Variants in WDR27 observed in about 807,000 individuals in gnomAD.
The protein encoded by WDR27 is WD repeat domain 27, also known as WD repeat-containing protein 27.
Under a neutral mutation model 114.4 loss-of-function variants are expected in WDR27, and 100 were observed. The ratio of observed to expected loss-of-function variants is 0.87; its 90% CI spans 0.74 to 1.03. The LOEUF (loss-of-function observed/expected upper bound fraction) is 1.03. Among genes scored for constraint, WDR27 ranks in the 50% least tolerant of loss-of-function variants. The probability of loss-of-function intolerance (pLI) is 0.00; values close to 1 mark genes in which losing one functional copy is unlikely to be tolerated. For synonymous variants in WDR27, 449 were observed against 423.1 expected (o/e 1.06, Z -0.75); for missense variants, 1,129 against 1,092.9 (o/e 1.03, Z -0.47).
chr6:169,434,041 T>C, the WDR27 span, among the ~76,000 whole-genome samples: 1 of 152,250 alleles, frequency 6.6e-6, no homozygotes, highest in Non-Finnish European at 1.5e-5. Context: ...GTAGGTTGCC[T>C]ATTTACTATG....
chr6:169,507,913 C>T (rs1792225070), intron 25 of WDR27, among the ~76,000 whole-genome samples: 1 of 152,106 alleles, frequency 6.6e-6, no homozygotes, highest in African/African-American at 2.4e-5. Flanking sequence ...CACAGCAATG[C>T]CCTTATAAAC....
intron 13 of WDR27, among the ~76,000 whole-genome samples, chr6:169,653,008 T>C (rs903155048): frequency 6.6e-6 from 1 of 152,234 alleles, no homozygotes; most frequent in African/African-American, 2.4e-5. Context: ...ATCAGGAGAC[T>C]CGTGTCTCCT....
Position 169,701,977 on chromosome 6 carries a change from C to T in WDR27, c.-434G>A, listed in dbSNP as rs938264126. The T allele has an allele frequency of 3.0e-5, 12 of 397,000 alleles. No individual in the cohort carries two copies. The East Asian group carries it at 8.2e-4, about 27-fold the overall frequency. The allele number at this position is 397,000 out of a possible 1,614,324, so 24.6% of individuals were successfully genotyped here. A position where few individuals can be genotyped will look rare whatever the true frequency, so the allele number is the denominator to read the frequency against. On this transcript the variant is annotated 5_prime_UTR_variant, in exon 1 of 26. Transcript: ENST00000448612. ...AGGACTACCGAGCCACACTCCGCCCCACGCTCGCCGCTATGGTTACTTGCC... is the reference window on the plus strand; with the variant it reads ...AGGACTACCGAGCCACACTCCGCCCTACGCTCGCCGCTATGGTTACTTGCC...
At chr6:169,570,091 G>C (rs1461541373) in intron 25 of WDR27, among the ~76,000 whole-genome samples, 2 of 152,094 alleles carry the variant, frequency 1.3e-5, no homozygotes, top group Admixed American at 1.3e-4. Flanking sequence ...CTACCTTCAT[G>C]GTCTGCGGGG....
intron 24 of WDR27, among the ~76,000 whole-genome samples, chr6:169,573,582 G>A (rs1339583116): frequency 6.6e-6 from 1 of 152,216 alleles, no homozygotes; most frequent in Admixed American, 6.5e-5. Context: ...CCCCCATGTA[G>A]ACCGAGGGAT....
chr6:169,622,741 G>A (rs572635829), intron 21 of WDR27, among the ~76,000 whole-genome samples: 5 of 152,296 alleles, frequency 3.3e-5, no homozygotes, highest in East Asian at 3.9e-4. Flanking sequence ...GTTTCGACAC[G>A]GGAGAAGCGT....
intron 13 of WDR27, among the ~76,000 whole-genome samples, chr6:169,656,911 C>T (rs1486316730): frequency 1.3e-5 from 2 of 152,220 alleles, no homozygotes; most frequent in South Asian, 2.1e-4. Context: ...CACTCCCAGC[C>T]GAGGAGTCAG....
intron 25 of WDR27, among the ~76,000 whole-genome samples, chr6:169,505,650 G>T (rs1254609867): frequency 6.6e-6 from 1 of 152,158 alleles, no homozygotes; most frequent in Non-Finnish European, 1.5e-5. Context: ...AGACCTAATG[G>T]ATTAGAATCT....
chr6:169,658,494 A>C (rs1322459341), intron 12 of WDR27, 136 bp from the exon 13 acceptor site: 1 of 666,780 alleles, frequency 1.5e-6, no homozygotes, highest in Non-Finnish European at 2.6e-6. Context: ...TCTGAAAATG[A>C]AAACTGTCAA....
At chr6:169,611,663 T>G (rs1810566022) in intron 22 of WDR27, among the ~76,000 whole-genome samples, 1 of 152,234 alleles carries the variant, frequency 6.6e-6, no homozygotes, top group Non-Finnish European at 1.5e-5. Context: ...TTTTTTCTAT[T>G]TTGAGCTTTT....
At chr6:169,667,409 G>C in intron 5 of WDR27, 1 of 1,213,444 alleles carries the variant, frequency 8.2e-7, no homozygotes, top group South Asian at 3.7e-5. Context: ...ATAAAACCCT[G>C]GTGGATTTGA....
In WDR27 at chr6:169,529,169, A is replaced by G. The variant is rs1795283541; in HGVS notation, c.2645+43250T>C. Among the ~76,000 whole-genome samples the G allele has an allele frequency of 1.3e-5, 2 of 152,128 alleles. 1 individual carries two copies. The highest frequency in any genetic ancestry group is 4.1e-4 in the South Asian group (2 of 4,826). Reference sequence around the variant, plus strand: ...ACCATCATAACTAAGGAGGTGAAAAATCAGGCTAAAAAACAGTATTTGCAC... The same window carrying G: ...ACCATCATAACTAAGGAGGTGAAAAGTCAGGCTAAAAAACAGTATTTGCAC... On this transcript the variant is annotated intron_variant, in intron 25 of 25. Transcript: ENST00000448612.
At chr6:169,446,885 C>T in the WDR27 span, among the ~76,000 whole-genome samples, 4 of 152,160 alleles carry the variant, frequency 2.6e-5, no homozygotes, top group Non-Finnish European at 5.9e-5. Flanking sequence ...TGATTAAAAG[C>T]GGCCACTTCT....
chr6:169,480,986 G>A (rs910251469), intron 25 of WDR27, among the ~76,000 whole-genome samples: 4 of 152,052 alleles, frequency 2.6e-5, no homozygotes, highest in Middle Eastern at 3.4e-3. Flanking sequence ...CTAGCTCACA[G>A]ATTGCAAATG....
At chr6:169,578,927 T>C (rs959183994) in intron 24 of WDR27, among the ~76,000 whole-genome samples, 38 of 152,174 alleles carry the variant, frequency 2.5e-4, no homozygotes, top group African/African-American at 7.2e-4. Flanking sequence ...GGAGCTGCCG[T>C]AGACGTCATC....
chr6:169,440,379 A>C, the WDR27 span, among the ~76,000 whole-genome samples: 1 of 152,208 alleles, frequency 6.6e-6, no homozygotes, highest in Non-Finnish European at 1.5e-5. Context: ...TTACAGTTTA[A>C]ATTTAGTTTT....
rs576806991 is a variant in WDR27, at chr6:169,611,011, A to C, written c.2321+2548T>G. On this transcript the variant is annotated intron_variant, in intron 22 of 25. Transcript: ENST00000448612. ...CACTACTATACAATTCATTCATGTAACCAAAAGCCACTTGTACCCCAAAAA... is the reference window on the plus strand; with the variant it reads ...CACTACTATACAATTCATTCATGTACCCAAAAGCCACTTGTACCCCAAAAA... Among the ~76,000 whole-genome samples, 13 of 152,298 alleles carry C rather than the reference A, an allele frequency of 8.5e-5. No homozygotes were observed. The East Asian group carries it at 2.5e-3, about 29-fold the overall frequency.
At chr6:169,610,127 A>C (rs146007921) in intron 22 of WDR27, among the ~76,000 whole-genome samples, 42 of 152,290 alleles carry the variant, frequency 2.8e-4, no homozygotes, top group African/African-American at 8.4e-4. Flanking sequence ...CCATTCAACA[A>C]GTCTCTAAGA....
chr6:169,479,588 GAAAC>G (rs1258749273), intron 25 of WDR27, among the ~76,000 whole-genome samples: 5 of 152,094 alleles, frequency 3.3e-5, no homozygotes, highest in Non-Finnish European at 5.9e-5. Flanking sequence ...AAAAATGAAT[GAAAC>G]AAACAAAATC....
Sources: gnomAD v4.1 joint callset for allele counts (sites outside exome capture counted in the v4.1 genomes callset) on GRCh38, gnomAD v4.1.1 for gene constraint, MANE v1.5 for transcripts, NCBI Gene and HGNC (gene_info 2026-07-23, HGNC 2026-07-21) for gene names.